Variants in UHMK1 observed in about 807,000 individuals in gnomAD.
UHMK1 encodes the protein serine/threonine-protein kinase Kist.
A neutral mutation model predicts 44.0 loss-of-function variants in UHMK1; 18 were observed. The ratio of observed to expected loss-of-function variants is 0.41; its 90% confidence interval spans 0.28 to 0.61. The LOEUF is 0.61. Among genes scored for constraint, UHMK1 ranks in the 20% least tolerant of loss-of-function variants. The pLI is 0.31. For missense variants in UHMK1, 463 were observed against 522.5 expected, an observed-to-expected ratio of 0.89 and a Z score of 1.11; for synonymous variants, 231 against 198.5, an observed-to-expected ratio of 1.16 and a Z score of -1.38.
chr1:162,512,165 C>CAATCATCCCACCGAT (rs1651690271), intron 4 of UHMK1, among the ~76,000 whole-genome samples: 1 of 150,434 alleles, frequency 6.6e-6, no homozygotes. Context: ...TGAGATTCAA[C>CAATCATCCCACCGAT]AATCATCCCA....
At chr1:162,505,528 A>G (rs941512222) in intron 4 of UHMK1, among the ~76,000 whole-genome samples, 2 of 152,264 alleles carry the variant, frequency 1.3e-5, no homozygotes, top group African/African-American at 4.8e-5. Context: ...CATTACCTGC[A>G]TTACCACAAG....
At chr1:162,499,204 C>G (rs1303980233) in intron 1 of UHMK1, among the ~76,000 whole-genome samples, 2 of 151,410 alleles carry the variant, frequency 1.3e-5, no homozygotes, top group African/African-American at 2.4e-5. Context: ...GAGACAAGTT[C>G]TTACTCTGTC....
At chr1:162,517,821 G>A (rs1211442015) in intron 6 of UHMK1, among the ~76,000 whole-genome samples, 1 of 152,030 alleles carries the variant, frequency 6.6e-6, no homozygotes, top group East Asian at 1.9e-4. Flanking sequence ...AGAGGCGGAG[G>A]TTGCAGTGTC....
intron 6 of UHMK1, chr1:162,513,094 AC>A: frequency 2.8e-6 from 1 of 354,396 alleles, no homozygotes; most frequent in South Asian, 2.4e-5. Flanking sequence ...GGCATGTGCC[AC>A]CAGACCTGGC....
At position 162,498,208 on chromosome 1, in the gene UHMK1, G is replaced by A. The variant is rs1651131668; in HGVS notation, c.208G>A (p.Glu70Lys). 1.9e-6 allele frequency: 3 copies of A among 1,612,230 alleles called. No homozygotes were observed. The highest frequency in any genetic ancestry group is 2.5e-6 in the Non-Finnish European group (3 of 1,178,700). The change falls in exon 1 of 8, where the codon GAG becomes AAG. Residue 70 changes from glutamate to lysine, a missense_variant. This residue lies in a region of UHMK1 where 191 missense variants were observed against 176.0 expected (regional missense o/e 1.09). Coordinates refer to ENST00000489294, the MANE Select transcript of UHMK1 (RefSeq NM_175866.5). Reference protein sequence around the residue: ...GTTGAAASAAEYGFRKERAAL... With the variant: ...GTTGAAASAAKYGFRKERAAL... ...CACCGGGGCTGCGGCCTCTGCCGCC[G>A]AGTATGGTTTCCGCAAAGAGAGGGC...
chr1:162,501,103 A>C lies in UHMK1; in HGVS notation c.752A>C (p.Lys251Thr), dbSNP rs899485466. The part of the protein sequence containing the change: ...LKHTVRSQEW[K>T]ANSSAIIDHI... ...CATACAGTCAGATCTCAGGAATGGA[A>C]GGTAAACTTCACCAGTGCTTTGCTT... Residue 251 changes from lysine (K) to threonine (T), a missense_variant and splice_region_variant, in exon 3 of 8, where the codon AAG becomes ACG. This residue lies in a region of UHMK1 where 264 missense variants were observed against 326.3 expected (regional missense o/e 0.81). Coordinates refer to ENST00000489294, the MANE Select transcript of UHMK1 (RefSeq NM_175866.5). The C allele has an allele frequency of 2.5e-6, 4 of 1,613,678 alleles. No individual in the cohort carries two copies. The African/African-American group carries it at 5.3e-5, about 22-fold the overall frequency.
At chr1:162,505,127 A>G (rs777592025) in intron 4 of UHMK1, among the ~76,000 whole-genome samples, 4 of 152,106 alleles carry the variant, frequency 2.6e-5, no homozygotes, top group Non-Finnish European at 5.9e-5. Flanking sequence ...TTTTTACTTT[A>G]TAAACTTTAA....
chr1:162,510,447 A>G (rs1447599472), intron 4 of UHMK1, among the ~76,000 whole-genome samples: 2 of 152,206 alleles, frequency 1.3e-5, no homozygotes, highest in Admixed American at 6.5e-5. Context: ...AACACTTTTT[A>G]GAATTCACAT....
intron 6 of UHMK1, 31 bp downstream of exon 6, chr1:162,512,854 G>A: frequency 1.9e-6 from 3 of 1,581,906 alleles, no homozygotes; most frequent in Non-Finnish European, 1.7e-6. Context: ...ATTTTAATGT[G>A]TCTTTCTTAA....
intron 2 of UHMK1, chr1:162,500,454 A>C: frequency 1.7e-6 from 1 of 586,082 alleles, no homozygotes; most frequent in South Asian, 2.3e-5. Context: ...AGGAGGAGCC[A>C]GTGAAGCATG....
At chr1:162,497,668 G>A (rs1651095974), upstream of UHMK1, 1 of 734,082 alleles carries the variant, frequency 1.4e-6, no homozygotes, top group South Asian at 4.3e-5. Flanking sequence ...CACTGGGCCT[G>A]GAATGGTAGA....
chr1:162,498,288 T>C lies in UHMK1; in HGVS notation c.268+20T>C. ...ACATCGGTAATTGCCGCTGTCTCCT[T>C]TCTCTTCTTGCCCAGGTCACAGTCC... On this transcript the variant is annotated intron_variant, in intron 1 of 7. Transcript: ENST00000489294. 1 of 1,566,716 alleles carries C rather than the reference T, an allele frequency of 6.4e-7. No homozygotes were observed. Among genetic ancestry groups the C allele is most frequent in the Non-Finnish European group, 8.7e-7 (1 of 1,152,186 alleles).
At chr1:162,511,738 G>T (rs1651676766) in intron 4 of UHMK1, among the ~76,000 whole-genome samples, 1 of 152,080 alleles carries the variant, frequency 6.6e-6, no homozygotes. Context: ...CATTTAAATT[G>T]TTAATCCATT....
In UHMK1 at chr1:162,523,861, ACT is replaced by A. The variant is rs1395832501; in HGVS notation, c.*1313_*1314del. The A allele has an allele frequency of 1.3e-5, 2 of 151,930 alleles. No individual in the cohort carries two copies. The highest frequency in any genetic ancestry group is 4.8e-5 in the African/African-American group (2 of 41,326). The allele number at this position is 151,930 out of a possible 1,614,324, so 9.4% of individuals were successfully genotyped here. A position where few individuals can be genotyped will look rare whatever the true frequency, so the allele number is the denominator to read the frequency against. On this transcript the variant is annotated 3_prime_UTR_variant, in exon 8 of 8. Transcript: ENST00000489294. ...GAGGTAGAAGTAGAAAGGAAGAAAA[ACT>A]CAAAGAATTCTTAAAAGGATTCATA...
Position 162,497,890 on chromosome 1 carries a change from G to A in UHMK1, c.-111G>A. The A allele has an allele frequency of 7.1e-7, 1 of 1,415,028 alleles. No individual in the cohort carries two copies. The highest frequency in any genetic ancestry group is 9.2e-7 in the Non-Finnish European group (1 of 1,090,240). The allele number at this position is 1,415,028 out of a possible 1,614,324, so 87.7% of individuals were successfully genotyped here. A position where few individuals can be genotyped will look rare whatever the true frequency, so the allele number is the denominator to read the frequency against. ...CCGGGAGTCGGTGAGGCGGCTGCAG[G>A]TCCCTCCCTGCGGAGCCGCTGGTCC... On this transcript the variant is annotated 5_prime_UTR_variant, in exon 1 of 8. Coordinates refer to ENST00000489294, the MANE Select transcript of UHMK1 (RefSeq NM_175866.5).
At chr1:162,499,913 C>A (rs751388650) in intron 1 of UHMK1, 42 bp from the exon 2 acceptor site, 3 of 1,597,022 alleles carry the variant, frequency 1.9e-6, no homozygotes, top group Non-Finnish European at 2.6e-6. Context: ...TAGTGACTTA[C>A]TCTGAGTCTG....
intron 4 of UHMK1, among the ~76,000 whole-genome samples, chr1:162,506,149 A>G (rs1651458831): frequency 6.6e-6 from 1 of 151,804 alleles, no homozygotes; most frequent in South Asian, 2.1e-4. Flanking sequence ...TATAAAATGG[A>G]TTCTAGCCTG....
Position 162,524,124 on chromosome 1 carries a change from T to C in UHMK1, c.*1574T>C, listed in dbSNP as rs1401282090. The stretch of plus-strand genomic sequence containing the variant: ...TATTTATTTTTTCCTAAGGAAAAAG[T>C]CTTCTATCTTTCCCTGCTGGAAGCC... On this transcript the variant is annotated 3_prime_UTR_variant, in exon 8 of 8. Transcript: ENST00000489294. The C allele has an allele frequency of 6.6e-6, 1 of 152,152 alleles. No homozygotes were observed. The highest frequency in any genetic ancestry group is 1.5e-5 in the Non-Finnish European group (1 of 68,028). The allele number at this position is 152,152 out of a possible 1,614,324, so 9.4% of individuals were successfully genotyped here.
chr1:162,498,440 A>G (rs1301926837), intron 1 of UHMK1, among the ~76,000 whole-genome samples, 172 bp downstream of exon 1: 1 of 152,168 alleles, frequency 6.6e-6, no homozygotes, highest in Non-Finnish European at 1.5e-5. Context: ...TGTCTGCGGT[A>G]TAGTGGAGTT....
Sources: gnomAD v4.1 joint callset for allele counts (sites outside exome capture counted in the v4.1 genomes callset) on GRCh38, gnomAD v4.1.1 for gene constraint, gnomAD v4.1.1 regional missense constraint, MANE v1.5 for transcripts, NCBI Gene and HGNC (gene_info 2026-07-23, HGNC 2026-07-21) for gene names.